Variants in CACNA2D2 observed in about 807,000 individuals in gnomAD.
The protein encoded by CACNA2D2 is voltage-dependent calcium channel subunit alpha-2/delta-2.
In CACNA2D2, 48 loss-of-function variants were observed where a neutral mutation model predicts 166.4. That is an observed-to-expected ratio of 0.29 (90% CI 0.23 to 0.37). CACNA2D2 has a LOEUF of 0.37. Ranked by LOEUF, CACNA2D2 falls within the 10% of genes least tolerant of loss-of-function variation. CACNA2D2 has a pLI of 1.00. For synonymous variants in CACNA2D2, 561 were observed against 573.7 expected (o/e 0.98, Z 0.32); for missense variants, 1,122 against 1,433.0 (o/e 0.78, Z 3.50).
chr3:50,395,786 G>T (rs1266626551), intron 3 of CACNA2D2, among the ~76,000 whole-genome samples: 2 of 152,194 alleles, frequency 1.3e-5, no homozygotes, highest in African/African-American at 4.8e-5. Flanking sequence ...CATAGTTAGA[G>T]GGGCTGTCCA....
intron 4 of CACNA2D2, among the ~76,000 whole-genome samples, chr3:50,389,466 G>A (rs1268620194): frequency 6.6e-6 from 1 of 152,202 alleles, no homozygotes; most frequent in East Asian, 1.9e-4. Flanking sequence ...TACAACCTGG[G>A]GCCTCACTCA....
At chr3:50,461,908 A>G (rs1709604035) in intron 2 of CACNA2D2, among the ~76,000 whole-genome samples, 1 of 152,232 alleles carries the variant, frequency 6.6e-6, no homozygotes. Context: ...CCAGGGACAC[A>G]TTGGTGCCGC....
rs1219354386 is a variant in CACNA2D2, at chr3:50,379,865, C to T, written c.894-41G>A. 1.2e-6 allele frequency: 2 copies of T among 1,612,598 alleles called. No homozygotes were observed. Among genetic ancestry groups the T allele is most frequent in the Non-Finnish European group, 1.7e-6 (2 of 1,179,000 alleles). On this transcript the variant is annotated intron_variant, in intron 9 of 37. Transcript: ENST00000424201. The surrounding 1 kb of genome is among the most constrained non-coding windows in gnomAD (Gnocchi z 6.5). Reference sequence around the variant, plus strand: ...AGGGGACGTGGAGGAGCCAGGGGAACCTCACGTGTTCTCCTGCCCATCCCC... The same window carrying T: ...AGGGGACGTGGAGGAGCCAGGGGAATCTCACGTGTTCTCCTGCCCATCCCC...
At position 50,366,385 on chromosome 3, in the gene CACNA2D2, G is replaced by C. The variant is rs766896040; in HGVS notation, c.2638-47C>G. ...GGAAAATGGAGAGGGGCTGGGCCCC[G>C]GACCTTCCACCGCAGGCAGTCCAGT... On this transcript the variant is annotated intron_variant, in intron 30 of 37. Coordinates refer to ENST00000424201, the MANE Select transcript of CACNA2D2 (RefSeq NM_006030.4). This position sits in a 1 kb window ranked among gnomAD's most constrained non-coding sequence, Gnocchi z 5.9. 2 of 1,593,506 alleles carry C rather than the reference G, an allele frequency of 1.3e-6. No homozygotes were observed. The highest frequency in any genetic ancestry group is 1.3e-5 in the African/African-American group (1 of 74,614).
At chr3:50,412,370 C>G (rs749496602) in intron 3 of CACNA2D2, among the ~76,000 whole-genome samples, 2 of 152,210 alleles carry the variant, frequency 1.3e-5, no homozygotes, top group African/African-American at 4.8e-5. Flanking sequence ...CCCTGGAAAA[C>G]GAGACATTTC....
chr3:50,470,124 C>T (rs1439341148), intron 2 of CACNA2D2, among the ~76,000 whole-genome samples: 1 of 152,206 alleles, frequency 6.6e-6, no homozygotes, highest in Non-Finnish European at 1.5e-5. Context: ...CCTGCCCCAG[C>T]GCTGCCCTGC....
intron 2 of CACNA2D2, among the ~76,000 whole-genome samples, chr3:50,443,143 C>T (rs1708680643): frequency 6.6e-6 from 1 of 152,170 alleles, no homozygotes; most frequent in South Asian, 2.1e-4. Flanking sequence ...CGGGGGAGTG[C>T]GAGTAAACAT....
rs142135019 is a variant in CACNA2D2, at chr3:50,396,289, C to G, written c.406-2121G>C. Among the ~76,000 whole-genome samples the G allele has an allele frequency of 5.0e-4, 76 of 152,294 alleles. 1 individual carries two copies. In the East Asian group the frequency reaches 0.012, roughly 25 times the overall value. ...CTCCTGTGCACCCCCAGCTCAGGCTCTGTCCTGCCCGGAACCTGCATCCTC... is the reference window on the plus strand; with the variant it reads ...CTCCTGTGCACCCCCAGCTCAGGCTGTGTCCTGCCCGGAACCTGCATCCTC... On this transcript the variant is annotated intron_variant, in intron 3 of 37. Coordinates refer to ENST00000424201, the MANE Select transcript of CACNA2D2 (RefSeq NM_006030.4).
intron 5 of CACNA2D2, among the ~76,000 whole-genome samples, chr3:50,387,031 C>T (rs1013341243): frequency 6.6e-5 from 10 of 152,142 alleles, no homozygotes; most frequent in African/African-American, 2.4e-4. Flanking sequence ...CAGTGAGTGA[C>T]ATGGAGGCAG....
At chr3:50,437,928 T>G (rs955547047) in intron 2 of CACNA2D2, among the ~76,000 whole-genome samples, 6 of 152,292 alleles carry the variant, frequency 3.9e-5, no homozygotes, top group African/African-American at 1.2e-4. Flanking sequence ...AAAAGCCAAC[T>G]GCTCCCACAG....
intron 3 of CACNA2D2, among the ~76,000 whole-genome samples, chr3:50,433,726 G>C (rs1708179796): frequency 6.6e-6 from 1 of 152,164 alleles, no homozygotes; most frequent in South Asian, 2.1e-4. Flanking sequence ...TGGCAGCCCA[G>C]CGCATTCCTG....
chr3:50,417,730 C>A (rs1191112130), intron 3 of CACNA2D2, among the ~76,000 whole-genome samples: 1 of 152,188 alleles, frequency 6.6e-6, no homozygotes, highest in Non-Finnish European at 1.5e-5. Context: ...TCTCCTTGCC[C>A]CCCTGCTGCT....
In CACNA2D2 at chr3:50,365,795, C is replaced by T; in HGVS notation, c.2915+15G>A. 6.2e-7 allele frequency: 1 copy of T among 1,613,502 alleles called. No homozygotes were observed. Among genetic ancestry groups the T allele is most frequent in the Non-Finnish European group, 8.5e-7 (1 of 1,179,992 alleles). On this transcript the variant is annotated intron_variant, in intron 33 of 37. Coordinates refer to ENST00000424201, the MANE Select transcript of CACNA2D2 (RefSeq NM_006030.4). This position sits in a 1 kb window ranked among gnomAD's most constrained non-coding sequence, Gnocchi z 4.5. Reference sequence around the variant, plus strand: ...AGGGAGCACCTTCTCTACCCACCTCCCGCTCAGGACTCACCAGGCGGCAGC... The same window carrying T: ...AGGGAGCACCTTCTCTACCCACCTCTCGCTCAGGACTCACCAGGCGGCAGC...
chr3:50,381,221 TC>T, intron 6 of CACNA2D2, 95 bp from the exon 7 acceptor site: 3 of 1,439,980 alleles, frequency 2.1e-6, no homozygotes, highest in Non-Finnish European at 2.9e-6. Flanking sequence ...CCATTTAGAA[TC>T]CCCCAACTGT....
Position 50,401,171 on chromosome 3 carries a change from C to T in CACNA2D2, c.406-7003G>A, listed in dbSNP as rs1295201401. On this transcript the variant is annotated intron_variant, in intron 3 of 37. Coordinates refer to ENST00000424201, the MANE Select transcript of CACNA2D2 (RefSeq NM_006030.4). ...GAAGGCTGGCATGGGAGGCCATCAC[C>T]GCTGTTGGCAGCAACAGGCTCCCTG... Among the ~76,000 whole-genome samples, 5 of 152,226 alleles carry T rather than the reference C, an allele frequency of 3.3e-5. No homozygotes were observed. The South Asian group carries it at 8.3e-4, about 25-fold the overall frequency.
Position 50,365,445 on chromosome 3 carries a change from C to T in CACNA2D2, c.3009G>A (p.Glu1003=). The change falls in exon 35 of 38, where the codon GAG becomes GAA. Residue 1003 remains glutamate, a synonymous_variant. Coordinates refer to ENST00000424201, the MANE Select transcript of CACNA2D2 (RefSeq NM_006030.4). The surrounding 1 kb of genome is among the most constrained non-coding windows in gnomAD (Gnocchi z 4.5). ...AEAEGSPETR[E]SSCVMKQTQY... is the part of the protein sequence containing the mutation. ...GGGTCTGTTTCATGACGCAGCTGCT[C>T]TCGCGCGTCTCGGGGCTCCCCTCGG... 6.2e-7 allele frequency: 1 copy of T among 1,613,638 alleles called. No homozygotes were observed. Among genetic ancestry groups the T allele is most frequent in the Non-Finnish European group, 8.5e-7 (1 of 1,179,898 alleles).
At chr3:50,377,430 G>T in intron 17 of CACNA2D2, 37 bp downstream of exon 17, 1 of 1,550,678 alleles carries the variant, frequency 6.4e-7, no homozygotes, top group Non-Finnish European at 8.9e-7. Flanking sequence ...TGTCCACATG[G>T]GAGGCAGGGT....
In CACNA2D2 at chr3:50,363,477, T is replaced by G; in HGVS notation, c.*1189A>C. The G allele has an allele frequency of 2.9e-6, 1 of 349,652 alleles. No individual in the cohort carries two copies. Among genetic ancestry groups the G allele is most frequent in the East Asian group, 1.2e-4 (1 of 8,590 alleles). 21.7% of individuals were successfully genotyped at this position (349,652 alleles called of 1,614,324 possible). On this transcript the variant is annotated 3_prime_UTR_variant, in exon 38 of 38. Transcript: ENST00000424201. ...TGCCCAGTCCCCACCTGTGTGTGTG[T>G]GTGTGTGTGTGTGTTCAGCAAGGGA...
intron 6 of CACNA2D2, among the ~76,000 whole-genome samples, chr3:50,383,582 T>C (rs901534566): frequency 6.6e-6 from 1 of 152,138 alleles, no homozygotes; most frequent in African/African-American, 2.4e-5. Flanking sequence ...CGTTTCCCCA[T>C]TGTGTAAAGC....
Sources: allele counts gnomAD v4.1 joint callset (sites outside exome capture counted in the v4.1 genomes callset), GRCh38; gene constraint gnomAD v4.1.1; non-coding constraint Gnocchi (gnomAD v3.1); transcripts MANE v1.5; gene names NCBI Gene and HGNC (gene_info 2026-07-23, HGNC 2026-07-21).